Variants in COL11A1 observed in about 807,000 individuals in gnomAD.
The protein encoded by COL11A1 is collagen type XI alpha 1 chain.
A neutral mutation model predicts 265.2 loss-of-function variants in COL11A1; 74 were observed. That is an observed-to-expected ratio of 0.28 (90% CI 0.23 to 0.34). COL11A1 has a LOEUF of 0.34. Ranked by LOEUF, COL11A1 falls within the 10% of genes least tolerant of loss-of-function variation. The pLI, the probability that COL11A1 is intolerant of heterozygous loss-of-function variation, is 1.00. For missense variants in COL11A1, 2,165 were observed against 2,263.6 expected (o/e 0.96, Z 0.88); for synonymous variants, 816 against 727.6 (o/e 1.12, Z -1.96).
intron 1 of COL11A1, among the ~76,000 whole-genome samples, chr1:103,103,722 T>C (rs1674475103): frequency 7.2e-6 from 1 of 138,130 alleles, no homozygotes; most frequent in South Asian, 2.7e-4. Flanking sequence ...TCACATATGG[T>C]AATTAAATTT....
At chr1:103,006,192 A>AATAAATAAATAAATAT (rs1665592972) in intron 16 of COL11A1, 70 bp downstream of exon 16, 1 of 1,304,610 alleles carries the variant, frequency 7.7e-7, no homozygotes, top group Non-Finnish European at 1.0e-6. Context: ...TAAATAAATA[A>AATAAATAAATAAATAT]ATAAATAAAT....
At chr1:103,050,850 G>T (rs1180790815) in intron 4 of COL11A1, among the ~76,000 whole-genome samples, 1 of 152,128 alleles carries the variant, frequency 6.6e-6, no homozygotes, top group Non-Finnish European at 1.5e-5. Context: ...GTCTGTTGGA[G>T]TTTGCTAGAG....
intron 4 of COL11A1, among the ~76,000 whole-genome samples, chr1:103,057,075 T>C (rs1011063686): frequency 1.3e-5 from 2 of 152,122 alleles, no homozygotes; most frequent in African/African-American, 4.8e-5. Flanking sequence ...CATAAAAGAT[T>C]TCTCTGTAGC....
chr1:102,915,779 TA>T (rs1165411309), intron 49 of COL11A1, 95 bp from the exon 50 acceptor site: 11 of 963,072 alleles, frequency 1.1e-5, no homozygotes, highest in African/African-American at 5.0e-5. Context: ...GATTAGCCCT[TA>T]TTTTTTTATA....
rs117522811 is a variant in COL11A1, at chr1:103,071,172, G to A, written c.651+3446C>T. Among the ~76,000 whole-genome samples, 205 of 151,746 alleles carry A rather than the reference G, an allele frequency of 1.4e-3. 1 individual carries two copies. In the East Asian group the frequency reaches 0.019, roughly 14 times the overall value. Reference sequence around the variant, plus strand: ...GTCATATTCTACTCATTGCTTCCACGAAATAAATAATCTCCCCAAAGATGG... The same window carrying A: ...GTCATATTCTACTCATTGCTTCCACAAAATAAATAATCTCCCCAAAGATGG... On this transcript the variant is annotated intron_variant, in intron 4 of 66. Transcript: ENST00000370096.
chr1:102,985,160 C>T (rs554801955), intron 30 of COL11A1, among the ~76,000 whole-genome samples: 2 of 152,002 alleles, frequency 1.3e-5, no homozygotes, highest in South Asian at 4.1e-4. Context: ...ATGTCTTAAA[C>T]ATTAGAAAGC....
intron 4 of COL11A1, among the ~76,000 whole-genome samples, chr1:103,031,583 T>A (rs1668000625): frequency 6.6e-6 from 1 of 152,030 alleles, no homozygotes; most frequent in South Asian, 2.1e-4. Context: ...ATTTTAAAAG[T>A]CAACACATTT....
chr1:102,880,715 C>G (rs1426687538), intron 65 of COL11A1, among the ~76,000 whole-genome samples: 1 of 151,520 alleles, frequency 6.6e-6, no homozygotes, highest in Non-Finnish European at 1.5e-5. Flanking sequence ...AGATGTTCAC[C>G]TAGATTATAG....
intron 63 of COL11A1, among the ~76,000 whole-genome samples, chr1:102,886,395 A>T (rs370984966): frequency 3.3e-5 from 5 of 152,164 alleles, no homozygotes; most frequent in African/African-American, 1.2e-4. Flanking sequence ...TACATCAGTT[A>T]TGCTATTTAC....
rs375398395 is a variant in COL11A1, at chr1:102,974,870, G to A, written c.2768C>T (p.Pro923Leu). 9 of 1,613,266 alleles carry A rather than the reference G, an allele frequency of 5.6e-6. No homozygotes were observed. In the African/African-American group the frequency reaches 1.1e-4, roughly 19 times the overall value. ...GPPGERGPQG[P>L]QGPVGFPGPK... ...TCCAGGGAATCCAACTGGACCCTGAGGTCCTTGAGGACCCTGGAAATAAAA... is the reference window on the plus strand; with the variant it reads ...TCCAGGGAATCCAACTGGACCCTGAAGTCCTTGAGGACCCTGGAAATAAAA... Residue 923 changes from proline (P) to leucine (L), a missense_variant, in exon 36 of 67, where the codon CCT becomes CTT. By Grantham distance (98) the Pro-to-Leu change is moderately conservative. Coordinates refer to ENST00000370096, the MANE Select transcript of COL11A1 (RefSeq NM_001854.4).
At chr1:102,982,725 T>C (rs959846423) in intron 31 of COL11A1, among the ~76,000 whole-genome samples, 1 of 151,988 alleles carries the variant, frequency 6.6e-6, no homozygotes, top group Non-Finnish European at 1.5e-5. Flanking sequence ...GGAAACTCAA[T>C]GAAAAAATTG....
intron 53 of COL11A1, 67 bp from the exon 54 acceptor site, chr1:102,912,279 A>G: frequency 7.7e-7 from 1 of 1,303,742 alleles, no homozygotes; most frequent in Non-Finnish European, 1.1e-6. Context: ...TAAATTTTCA[A>G]AATCTGGATG....
At chr1:102,899,101 G>T in intron 54 of COL11A1, 107 bp from the exon 55 acceptor site, 1 of 525,908 alleles carries the variant, frequency 1.9e-6, no homozygotes, top group South Asian at 3.7e-5. Flanking sequence ...TGAATAAATT[G>T]TAGTTTTCTA....
intron 8 of COL11A1, among the ~76,000 whole-genome samples, chr1:103,022,085 A>G (rs1362864547): frequency 6.7e-6 from 1 of 150,290 alleles, no homozygotes; most frequent in Non-Finnish European, 1.5e-5. Flanking sequence ...AGAATGCCTG[A>G]GCTCAGGTAA....
At chr1:102,974,194 A>AC (rs4013868) in intron 36 of COL11A1, among the ~76,000 whole-genome samples, 33 of 148,480 alleles carry the variant, frequency 2.2e-4, no homozygotes, top group Non-Finnish European at 3.6e-4. Flanking sequence ...AAACAAACAA[A>AC]AACAAAAAAG....
chr1:103,017,910 C>G, intron 10 of COL11A1, 28 bp from the exon 11 acceptor site: 9 of 1,522,540 alleles, frequency 5.9e-6, no homozygotes, highest in Non-Finnish European at 8.2e-6. Flanking sequence ...ATATCTTAAT[C>G]AGATTCCTAA....
chr1:103,005,198 C>T (rs1571006445), intron 18 of COL11A1, among the ~76,000 whole-genome samples: 1 of 151,900 alleles, frequency 6.6e-6, no homozygotes, highest in East Asian at 1.9e-4. Flanking sequence ...CTATTTTTTT[C>T]TTCTCCAATT....
At chr1:102,891,256 T>TCTAAC (rs1651741958) in intron 57 of COL11A1, among the ~76,000 whole-genome samples, 1 of 152,098 alleles carries the variant, frequency 6.6e-6, no homozygotes, top group Non-Finnish European at 1.5e-5. Flanking sequence ...CATGAAGAAG[T>TCTAAC]TAGAGATCAT....
chr1:103,089,203 ATTTTT>A (rs1673109520), intron 1 of COL11A1, among the ~76,000 whole-genome samples: 2 of 152,154 alleles, frequency 1.3e-5, no homozygotes, highest in Non-Finnish European at 2.9e-5. Context: ...AGACATCCAT[ATTTTT>A]TAAGTTTCCC....
Sources: allele counts gnomAD v4.1 joint callset (sites outside exome capture counted in the v4.1 genomes callset), GRCh38; gene constraint gnomAD v4.1.1; transcripts MANE v1.5; gene names NCBI Gene and HGNC (gene_info 2026-07-23, HGNC 2026-07-21).